Variants in PER1 observed in about 807,000 individuals in gnomAD.
PER1 encodes period circadian protein homolog 1.
In PER1, 87 loss-of-function variants were observed where a neutral mutation model predicts 125.9. That is an observed-to-expected ratio of 0.69 (90% CI 0.58 to 0.83). PER1 has a LOEUF of 0.83. Among genes scored for constraint, PER1 ranks in the 40% least tolerant of loss-of-function variants. The pLI, the probability that PER1 is intolerant of heterozygous loss-of-function variation, is 0.00. For missense variants in PER1, 1,775 were observed against 1,722.8 expected, an observed-to-expected ratio of 1.03 and a Z score of -0.54; for synonymous variants, 801 against 714.7, an observed-to-expected ratio of 1.12 and a Z score of -1.93.
In PER1 at chr17:8,145,297, G is replaced by C. The variant is rs1982360099; in HGVS notation, c.2219-304C>G. 9.4e-6 allele frequency: 3 copies of C among 319,978 alleles called. No homozygotes were observed. The South Asian group carries it at 4.2e-4, about 45-fold the overall frequency. The allele number at this position is 319,978 out of a possible 1,614,324, so 19.8% of individuals were successfully genotyped here. On this transcript the variant is annotated intron_variant, in intron 17 of 22. Coordinates refer to ENST00000317276, the MANE Select transcript of PER1 (RefSeq NM_002616.3). The stretch of plus-strand genomic sequence containing the variant: ...TCATTGGAAGAGAAGCCCACCCCTT[G>C]GCCTTCCCTCACACATTTTCTTGTT...
At chr17:8,151,672 C>T (rs1286103460) in intron 1 of PER1, among the ~76,000 whole-genome samples, 1 of 152,198 alleles carries the variant, frequency 6.6e-6, no homozygotes, top group Non-Finnish European at 1.5e-5. Flanking sequence ...CGCTGCTTCC[C>T]CACCACAAGG....
chr17:8,143,222 G>C, intron 19 of PER1, 44 bp downstream of exon 19: 1 of 1,339,450 alleles, frequency 7.5e-7, no homozygotes, highest in Non-Finnish European at 9.9e-7. Flanking sequence ...GAGGGGCGGG[G>C]CTGGGGTGGG....
In PER1 at chr17:8,143,725, TGGGGTGGGCCAG is replaced by T. The variant is rs753890842; in HGVS notation, c.2601_2612del (p.Trp868_Pro871del). 6 of 794,778 alleles carry T rather than the reference TGGGGTGGGCCAG, an allele frequency of 7.5e-6. No homozygotes were observed. The highest frequency in any genetic ancestry group is 9.0e-6 in the Non-Finnish European group (6 of 664,368). The allele number at this position is 794,778 out of a possible 1,614,324, so 49.2% of individuals were successfully genotyped here. A position where few individuals can be genotyped will look rare whatever the true frequency, so the allele number is the denominator to read the frequency against. On this transcript the variant is annotated inframe_deletion, in exon 19 of 23. Transcript: ENST00000317276. ...CCGCTGGGAAGGGGGTAGTGGCTGG[TGGGGTGGGCCAG>T]GGGGTGGAGGGTGGCACGGGTGAGG...
Position 8,148,791 on chromosome 17 carries a change from C to A in PER1, c.906-5G>T. 6.2e-7 allele frequency: 1 copy of A among 1,613,466 alleles called. No homozygotes were observed. The highest frequency in any genetic ancestry group is 1.7e-4 in the Middle Eastern group (1 of 6,056). On this transcript the variant is annotated splice_region_variant and splice_polypyrimidine_tract_variant and intron_variant, in intron 7 of 22. Transcript: ENST00000317276. ...GGATCCCGGTCAGGACCTCCTCTAG[C>A]AAAGGAGAGAGGAGCATTAGGGACT...
intron 14 of PER1, 28 bp downstream of exon 14, chr17:8,146,869 C>G (rs372332063): frequency 1.9e-5 from 31 of 1,610,860 alleles, no homozygotes; most frequent in Non-Finnish European, 2.5e-5. Flanking sequence ...AGGTCTGTCT[C>G]TTCACCCACA....
At position 8,146,411 on chromosome 17, in the gene PER1, T is replaced by G. The variant is rs777697378; in HGVS notation, c.1999A>C (p.Arg667=). The change falls in exon 16 of 23, where the codon AGG becomes CGG. Residue 667 remains arginine, a synonymous_variant. Coordinates refer to ENST00000317276, the MANE Select transcript of PER1 (RefSeq NM_002616.3). The part of the protein sequence containing the change: ...YTTSSASDDD[R]QRTGPVSVGT... ...ACAGAGACTGGACCTGTCCTCTGCC[T>G]GTCGTCGTCAGAGGCTGAGGAGGTG... is the stretch of plus-strand genomic sequence containing the variant. The G allele has an allele frequency of 6.2e-7, 1 of 1,613,164 alleles. No homozygotes were observed. Among genetic ancestry groups the G allele is most frequent in the Admixed American group, 1.7e-5 (1 of 59,928 alleles).
chr17:8,147,646 C>T lies in PER1; in HGVS notation c.1388+28G>A, dbSNP rs377438664. 52 of 1,613,644 alleles carry T rather than the reference C, an allele frequency of 3.2e-5. No homozygotes were observed. The African/African-American group carries it at 4.7e-4, about 14-fold the overall frequency. On this transcript the variant is annotated intron_variant, in intron 11 of 22. Coordinates refer to ENST00000317276, the MANE Select transcript of PER1 (RefSeq NM_002616.3). ...CCCCACCGCACTGCCCTATCCCCAA[C>T]GCCAGCTCGGGGGCATGGCCCACTT...
At chr17:8,150,362 C>G (rs1349564592) in intron 2 of PER1, 45 bp from the exon 3 acceptor site, 1 of 1,554,106 alleles carries the variant, frequency 6.4e-7, no homozygotes, top group East Asian at 2.3e-5. Context: ...GCCAGCAGTG[C>G]GAGGCCTGTC....
rs1283689596 is a variant in PER1, at chr17:8,149,206, A to G, written c.905+53T>C. ...TCCCTTTCAAAAAGCAAAAACAAAA[A>G]CAAAAACAAAAAAAAAAGGAGGCAG... On this transcript the variant is annotated intron_variant, in intron 7 of 22. Coordinates refer to ENST00000317276, the MANE Select transcript of PER1 (RefSeq NM_002616.3). 8.1e-6 allele frequency: 12 copies of G among 1,486,328 alleles called. No homozygotes were observed. In the Admixed American group the frequency reaches 1.9e-4, roughly 23 times the overall value. The allele number at this position is 1,486,328 out of a possible 1,614,324, so 92.1% of individuals were successfully genotyped here. A position where few individuals can be genotyped will look rare whatever the true frequency, so the allele number is the denominator to read the frequency against.
chr17:8,150,597 G>T lies in PER1; in HGVS notation c.110C>A (p.Pro37Gln), dbSNP rs373195803. Reference sequence around the variant, plus strand: ...GGTGTCATCGGCCAGGCTGGGGCCTGGGCAAGGCCGGTGCTGTGGGGGCCC... The same window carrying T: ...GGTGTCATCGGCCAGGCTGGGGCCTTGGCAAGGCCGGTGCTGTGGGGGCCC... ...SPGPPQHRPCPGPSLADDTDA... is the reference protein window; with the variant it reads ...SPGPPQHRPCQGPSLADDTDA... The change falls in exon 2 of 23, where the codon CCA (proline) becomes CAA (glutamine). Residue 37 changes from proline to glutamine, a missense_variant. Physicochemically the swap from Pro to Gln is moderately conservative, Grantham distance 76. Transcript: ENST00000317276. 80 of 1,613,842 alleles carry T rather than the reference G, an allele frequency of 5.0e-5. No homozygotes were observed. Among genetic ancestry groups the T allele is most frequent in the Non-Finnish European group, 6.7e-5 (79 of 1,179,992 alleles).
Position 8,149,500 on chromosome 17 carries a change from G to A in PER1, c.815C>T (p.Pro272Leu), listed in dbSNP as rs1040545408. ...DVGVFYGSTAPSRLPTWGTGA... is the reference protein window; with the variant it reads ...DVGVFYGSTALSRLPTWGTGA... ...TGTGCCCCAGGTGGGCAGGCGAGAT[G>A]GAGCAGTGGAACCATAGAAGACTCC... The change falls in exon 6 of 23, where the codon CCA (proline) becomes CTA (leucine). Residue 272 changes from proline to leucine, a missense_variant. By Grantham distance (98) the Pro-to-Leu change is moderately conservative. Coordinates refer to ENST00000317276, the MANE Select transcript of PER1 (RefSeq NM_002616.3). The A allele has an allele frequency of 6.2e-7, 1 of 1,613,824 alleles. No homozygotes were observed. Among genetic ancestry groups the A allele is most frequent in the Non-Finnish European group, 8.5e-7 (1 of 1,179,950 alleles).
chr17:8,149,440 C>A (rs750372883), intron 6 of PER1, 22 bp downstream of exon 6: 1 of 1,610,316 alleles, frequency 6.2e-7, no homozygotes, highest in Non-Finnish European at 8.5e-7. Flanking sequence ...TCATGCCTCC[C>A]CACAGCGCTT....
Position 8,148,005 on chromosome 17 carries a change from T to C in PER1, c.1226A>G (p.His409Arg). ...PEDRPLMLAI[H>R]KKILQLAGQP... Reference sequence around the variant, plus strand: ...GGGCGAGAGGAACTCACTCTTCTTGTGGATAGCCAGCATGAGGGGTCGGTC... The same window carrying C: ...GGGCGAGAGGAACTCACTCTTCTTGCGGATAGCCAGCATGAGGGGTCGGTC... Residue 409 changes from histidine to arginine, a missense_variant, in exon 10 of 23, where the codon CAC (histidine) becomes CGC (arginine). His to Arg is a conservative substitution (Grantham distance 29). Transcript: ENST00000317276. The C allele has an allele frequency of 6.2e-7, 1 of 1,612,158 alleles. No individual in the cohort carries two copies. The highest frequency in any genetic ancestry group is 8.5e-7 in the Non-Finnish European group (1 of 1,179,076).
chr17:8,150,476 G>A lies in PER1; in HGVS notation c.231C>T (p.Asn77=), dbSNP rs147473294. The change falls in exon 2 of 23, where the codon AAC becomes AAT. Residue 77 remains asparagine (N), a synonymous_variant. Coordinates refer to ENST00000317276, the MANE Select transcript of PER1 (RefSeq NM_002616.3). ...TCTCCAGCAGGGCTGAGTCCTTGCC[G>A]TTGCCTGAGGAGGAGCTGTGTGAGC... ...QRSSHSSSSG[N]GKDSALLETT... The A allele has an allele frequency of 9.3e-5, 150 of 1,613,892 alleles. No homozygotes were observed. The highest frequency in any genetic ancestry group is 1.8e-4 in the Admixed American group (11 of 59,974).
chr17:8,147,092 G>C, intron 13 of PER1, 90 bp from the exon 14 acceptor site: 2 of 1,390,068 alleles, frequency 1.4e-6, no homozygotes, highest in Non-Finnish European at 2.0e-6. Context: ...GGTACCAGTG[G>C]GGAGGCACAG....
In PER1 at chr17:8,147,343, G is replaced by C; in HGVS notation, c.1536C>G (p.Val512=). The C allele has an allele frequency of 1.4e-5, 23 of 1,613,626 alleles. No homozygotes were observed. The highest frequency in any genetic ancestry group is 1.9e-5 in the Non-Finnish European group (22 of 1,179,914). The part of the protein sequence containing the change: ...HSPSPTGLCG[V]GAVTSPGPLH... ...GAGGGCCTGGGGATGTCACGGCGCC[G>C]ACTCCACAGAGTCCCGTGGGGCTGG... The change falls in exon 13 of 23, where the codon GTC becomes GTG. Residue 512 remains valine (V), a synonymous_variant. Transcript: ENST00000317276.
At chr17:8,148,946 T>C (rs1249803632) in intron 7 of PER1, 160 bp from the exon 8 acceptor site, 1 of 821,930 alleles carries the variant, frequency 1.2e-6, no homozygotes, top group Non-Finnish European at 1.9e-6. Flanking sequence ...CCCAGCACTT[T>C]GGGAGGCCAA....
chr17:8,143,375 TG>T lies in PER1; in HGVS notation c.2962del (p.Gln988SerfsTer134). ...CTCAGCACGGGGGAGCTCCTCCAGC[TG>T]CAGCAGATTGAGCTGGAGTGGAGAG... ...CSSPLQLNLL[Q>X]LEELPRAEGA... is the part of the protein sequence containing the mutation. On this transcript the variant is annotated frameshift_variant, in exon 19 of 23. Transcript: ENST00000317276. LOFTEE classifies it high-confidence loss of function. 1 of 1,613,236 alleles carries T rather than the reference TG, an allele frequency of 6.2e-7. No individual in the cohort carries two copies. Among genetic ancestry groups the T allele is most frequent in the Non-Finnish European group, 8.5e-7 (1 of 1,179,666 alleles).
intron 1 of PER1, among the ~76,000 whole-genome samples, chr17:8,151,947 C>T (rs978419566): frequency 3.3e-5 from 5 of 152,232 alleles, no homozygotes; most frequent in Non-Finnish European, 5.9e-5. Flanking sequence ...GGGCTGACAT[C>T]ACAGGCGGCG....
Sources: gnomAD v4.1 joint callset for allele counts (sites outside exome capture counted in the v4.1 genomes callset) on GRCh38, gnomAD v4.1.1 for gene constraint, MANE v1.5 for transcripts, NCBI Gene and HGNC (gene_info 2026-07-23, HGNC 2026-07-21) for gene names.